The following CDCP1 variants were observed in gnomAD, a reference collection of about 807,000 sequenced individuals.
CDCP1 encodes the protein CUB domain containing protein 1.
A neutral mutation model predicts 60.2 loss-of-function variants in CDCP1; 29 were observed. That is an observed-to-expected ratio of 0.48 (90% CI 0.36 to 0.66). The LOEUF is 0.66. CDCP1 is among the 30% of genes least tolerant of loss of function. The pLI is 0.00. For synonymous variants in CDCP1, 387 were observed against 431.1 expected (o/e 0.90, Z 1.27); for missense variants, 876 against 1,074.3 (o/e 0.82, Z 2.58).
At chr3:45,128,897 C>T (rs6788115) in intron 1 of CDCP1, among the ~76,000 whole-genome samples, 151,320 of 152,268 alleles carry the variant, frequency 0.99, 75,192 homozygotes, top group Middle Eastern at 1. Context: ...TGTGTACTTT[C>T]AGTAGAACGG....
chr3:45,098,523 A>G (rs1293777176), intron 4 of CDCP1, among the ~76,000 whole-genome samples: 1 of 151,926 alleles, frequency 6.6e-6, no homozygotes, highest in Non-Finnish European at 1.5e-5. Context: ...TGGATCTTTC[A>G]GTTTCAGGCA....
chr3:45,090,797 T>C (rs1698279894), intron 7 of CDCP1, among the ~76,000 whole-genome samples: 1 of 152,222 alleles, frequency 6.6e-6, no homozygotes, highest in Admixed American at 6.5e-5. Context: ...AGAGATCATG[T>C]AGAGTCAAGC....
intron 4 of CDCP1, among the ~76,000 whole-genome samples, chr3:45,101,091 T>TG (rs1301758442): frequency 6.6e-6 from 1 of 152,208 alleles, no homozygotes; most frequent in Non-Finnish European, 1.5e-5. Flanking sequence ...ACAGCAGTCT[T>TG]GCGACAGAGT....
Position 45,085,677 on chromosome 3 carries a change from G to C in CDCP1, c.2472C>G (p.Pro824=). The stretch of plus-strand genomic sequence containing the variant: ...CCATGGGCTCCTGAGTGTTCAGTAA[G>C]GGAATGTCTGTGTCCTTGCTGCTTA... ...GDVSSKDTDI[P]LLNTQEPMEP... The change falls in exon 9 of 9, where the codon CCC becomes CCG. Residue 824 remains proline, a synonymous_variant. Transcript: ENST00000296129. The surrounding 1 kb of genome is among the most constrained non-coding windows in gnomAD (Gnocchi z 4.2). The C allele has an allele frequency of 6.2e-7, 1 of 1,614,150 alleles. No individual in the cohort carries two copies. Among genetic ancestry groups the C allele is most frequent in the Non-Finnish European group, 8.5e-7 (1 of 1,179,990 alleles).
chr3:45,113,732 T>C (rs1559394694), intron 2 of CDCP1, among the ~76,000 whole-genome samples: 1 of 152,216 alleles, frequency 6.6e-6, no homozygotes. Flanking sequence ...CTGTGTTTGG[T>C]CAGCCCTTTC....
At chr3:45,145,928 C>G (rs112388030) in intron 1 of CDCP1, among the ~76,000 whole-genome samples, 1 of 151,910 alleles carries the variant, frequency 6.6e-6, no homozygotes, top group Non-Finnish European at 1.5e-5. Context: ...CTCATCCTCC[C>G]GGACCGGGAG....
At chr3:45,108,689 A>G (rs1031532558) in intron 4 of CDCP1, among the ~76,000 whole-genome samples, 2 of 149,160 alleles carry the variant, frequency 1.3e-5, no homozygotes, top group Non-Finnish European at 3.0e-5. Context: ...CACTATATAT[A>G]TATGTGCATG....
chr3:45,121,126 A>T (rs983445789), intron 1 of CDCP1, among the ~76,000 whole-genome samples: 1 of 152,228 alleles, frequency 6.6e-6, no homozygotes, highest in Non-Finnish European at 1.5e-5. Flanking sequence ...AATTTCTCAT[A>T]GACATACTAC....
At chr3:45,101,845 C>A (rs1391748519) in intron 4 of CDCP1, among the ~76,000 whole-genome samples, 1 of 144,478 alleles carries the variant, frequency 6.9e-6, no homozygotes, top group South Asian at 2.3e-4. Flanking sequence ...GAGATCGCAC[C>A]ATTGCACTCC....
intron 4 of CDCP1, among the ~76,000 whole-genome samples, chr3:45,107,120 C>T (rs1040055599): frequency 1.3e-5 from 2 of 152,190 alleles, no homozygotes; most frequent in African/African-American, 4.8e-5. Context: ...GAATTCCTTC[C>T]ATGAGTGACT....
chr3:45,132,732 A>G (rs887283810), intron 1 of CDCP1, among the ~76,000 whole-genome samples: 1 of 152,232 alleles, frequency 6.6e-6, no homozygotes, highest in African/African-American at 2.4e-5. Flanking sequence ...ATGAGACCAC[A>G]TGTGCAAAGC....
At chr3:45,086,223 G>A (rs1379790569) in intron 8 of CDCP1, among the ~76,000 whole-genome samples, 156 bp from the exon 9 acceptor site, 1 of 152,142 alleles carries the variant, frequency 6.6e-6, no homozygotes, top group African/African-American at 2.4e-5. Context: ...TGAAACTACT[G>A]TCCTCAGTGA....
Position 45,138,687 on chromosome 3 carries a change from A to G in CDCP1, c.82+7519T>C, listed in dbSNP as rs184468615. ...GACATGGTGAAACCTCGTCTCTACTAAAAATACAAAAATTAGCCGGAGGTG... is the reference window on the plus strand; with the variant it reads ...GACATGGTGAAACCTCGTCTCTACTGAAAATACAAAAATTAGCCGGAGGTG... On this transcript the variant is annotated intron_variant, in intron 1 of 8. Coordinates refer to ENST00000296129, the MANE Select transcript of CDCP1 (RefSeq NM_022842.5). Among the ~76,000 whole-genome samples, 21 of 152,258 alleles carry G rather than the reference A, an allele frequency of 1.4e-4. 1 individual carries two copies. Among genetic ancestry groups the G allele is most frequent in the South Asian group, 1.2e-3 (6 of 4,820 alleles).
At chr3:45,094,455 C>T (rs984833758) in intron 5 of CDCP1, among the ~76,000 whole-genome samples, 2 of 152,046 alleles carry the variant, frequency 1.3e-5, no homozygotes, top group Non-Finnish European at 2.9e-5. Flanking sequence ...GGCAGACCAG[C>T]CTGCCCAACC....
chr3:45,141,420 T>G (rs935565592), intron 1 of CDCP1, among the ~76,000 whole-genome samples: 16 of 152,230 alleles, frequency 1.1e-4, no homozygotes, highest in African/African-American at 3.9e-4. Context: ...TTTCAGAAAC[T>G]GTTAGAGGTT....
intron 4 of CDCP1, among the ~76,000 whole-genome samples, chr3:45,102,594 TAGG>T (rs1217422842): frequency 6.7e-6 from 1 of 149,570 alleles, no homozygotes; most frequent in Non-Finnish European, 1.5e-5. Flanking sequence ...CACTTGAGGT[TAGG>T]AGTTCGAGAC....
At chr3:45,127,935 G>C (rs556018789) in intron 1 of CDCP1, among the ~76,000 whole-genome samples, 4 of 152,328 alleles carry the variant, frequency 2.6e-5, no homozygotes, top group African/African-American at 7.2e-5. Flanking sequence ...TGCAGGTCTG[G>C]AGAAAGGGAT....
Position 45,091,358 on chromosome 3 carries a change from C to A in CDCP1, c.1808G>T (p.Arg603Leu), listed in dbSNP as rs375072935. Residue 603 changes from arginine to leucine, a missense_variant, in exon 7 of 9, where the codon CGC (arginine) becomes CTC (leucine). Around this residue, in one of 2 missense-constraint regions of CDCP1, gnomAD observed 726 missense variants for 935.7 expected, o/e 0.78. Coordinates refer to ENST00000296129, the MANE Select transcript of CDCP1 (RefSeq NM_022842.5). The surrounding 1 kb of genome is among the most constrained non-coding windows in gnomAD (Gnocchi z 4.8). The stretch of plus-strand genomic sequence containing the variant: ...CTGCTCCTGGATGATCATGAATGCG[C>A]GCCCTGTCTGGCAGACCACGCCGCT... ...ERSGVVCQTG[R>L]AFMIIQEQRT... is the part of the protein sequence containing the mutation. 1 of 1,614,160 alleles carries A rather than the reference C, an allele frequency of 6.2e-7. No homozygotes were observed. Among genetic ancestry groups the A allele is most frequent in the Non-Finnish European group, 8.5e-7 (1 of 1,180,042 alleles).
intron 4 of CDCP1, among the ~76,000 whole-genome samples, chr3:45,107,882 C>T (rs1254461402): frequency 9.9e-5 from 15 of 152,118 alleles, no homozygotes; most frequent in Middle Eastern, 3.4e-3. Flanking sequence ...TTTGGGTGGC[C>T]GAGGCGGGTG....
Sources: gnomAD v4.1 joint callset for allele counts (sites outside exome capture counted in the v4.1 genomes callset) on GRCh38, gnomAD v4.1.1 for gene constraint, gnomAD v4.1.1 regional missense constraint, Gnocchi (gnomAD v3.1) non-coding constraint, MANE v1.5 for transcripts, NCBI Gene and HGNC (gene_info 2026-07-23, HGNC 2026-07-21) for gene names.